Variants in USP6NL observed in about 807,000 individuals in gnomAD.
USP6NL encodes the protein USP6 N-terminal-like protein.
A neutral mutation model predicts 61.9 loss-of-function variants in USP6NL; 26 were observed. That is an observed-to-expected ratio of 0.42 (90% CI 0.31 to 0.58). USP6NL has a LOEUF of 0.58. Ranked by LOEUF, USP6NL falls within the 20% of genes least tolerant of loss-of-function variation. The pLI is 0.16. For missense variants in USP6NL, 1,114 were observed against 1,034.3 expected, an observed-to-expected ratio of 1.08 and a Z score of -1.06; for synonymous variants, 432 against 390.1, an observed-to-expected ratio of 1.11 and a Z score of -1.27.
chr10:11,510,035 T>G lies in USP6NL; in HGVS notation c.196-360A>C, dbSNP rs2133344777. On this transcript the variant is annotated intron_variant, in intron 5 of 14. Coordinates refer to ENST00000609104, the MANE Select transcript of USP6NL (RefSeq NM_014688.5). This position sits in a 1 kb window ranked among gnomAD's most constrained non-coding sequence, Gnocchi z 4.8. ...CTTTGAAATTTAATTCTCTTCTTTCTTATTTTACTGAATTCTAGTATATTG... is the reference window on the plus strand; with the variant it reads ...CTTTGAAATTTAATTCTCTTCTTTCGTATTTTACTGAATTCTAGTATATTG... Among the ~76,000 whole-genome samples the G allele has an allele frequency of 6.6e-6, 1 of 152,232 alleles. No homozygotes were observed. Among genetic ancestry groups the G allele is most frequent in the Admixed American group, 6.5e-5 (1 of 15,294 alleles).
chr10:11,566,638 C>T (rs554795444), intron 2 of USP6NL, among the ~76,000 whole-genome samples: 3 of 152,336 alleles, frequency 2.0e-5, no homozygotes, highest in Admixed American at 6.5e-5. Flanking sequence ...TCCAACAGAG[C>T]TTGCTGCAAT....
intron 5 of USP6NL, among the ~76,000 whole-genome samples, chr10:11,515,400 G>T (rs11257144): frequency 0.11 from 17,228 of 152,184 alleles, 1,286 homozygotes; most frequent in East Asian, 0.16. Context: ...ACATTACTGC[G>T]TATTGTGATA....
At chr10:11,502,718 T>A (rs1208202019) in intron 6 of USP6NL, among the ~76,000 whole-genome samples, 1 of 152,344 alleles carries the variant, frequency 6.6e-6, no homozygotes, top group Admixed American at 6.5e-5. Flanking sequence ...ATCATGTGGT[T>A]GAAGGTGAGT....
intron 1 of USP6NL, among the ~76,000 whole-genome samples, chr10:11,609,167 G>C (rs1278574701): frequency 6.6e-6 from 1 of 152,056 alleles, no homozygotes; most frequent in Non-Finnish European, 1.5e-5. Flanking sequence ...CAGACTCAAA[G>C]GATTCTCCTG....
At chr10:11,580,439 T>C (rs1837715379) in intron 2 of USP6NL, among the ~76,000 whole-genome samples, 1 of 152,240 alleles carries the variant, frequency 6.6e-6, no homozygotes, top group South Asian at 2.1e-4. Flanking sequence ...GTTTGCAATG[T>C]GTATTATTTA....
At chr10:11,522,063 C>T (rs1025539646) in intron 4 of USP6NL, among the ~76,000 whole-genome samples, 1 of 152,210 alleles carries the variant, frequency 6.6e-6, no homozygotes, top group Non-Finnish European at 1.5e-5. Flanking sequence ...CTGCTGAGTA[C>T]TAAACAAAGA....
rs923113249 is a variant in USP6NL at position 11,476,001 on chromosome 10, G to A, written c.1078+5769C>T. On this transcript the variant is annotated intron_variant, in intron 14 of 14. Transcript: ENST00000609104. The surrounding 1 kb of genome is among the most constrained non-coding windows in gnomAD (Gnocchi z 4.3). ...AAAACCAGACAACTCCTGAGTGTGC[G>A]ACATTCCACAGAATAGTGGGACTGT... Among the ~76,000 whole-genome samples the A allele has an allele frequency of 2.0e-5, 3 of 152,076 alleles. No homozygotes were observed. Among genetic ancestry groups the A allele is most frequent in the Admixed American group, 6.6e-5 (1 of 15,264 alleles).
intron 1 of USP6NL, among the ~76,000 whole-genome samples, chr10:11,607,744 C>A (rs187044651): frequency 6.6e-6 from 1 of 152,258 alleles, no homozygotes; most frequent in Non-Finnish European, 1.5e-5. Flanking sequence ...CATAACATTA[C>A]TAACAGCAAA....
chr10:11,564,778 G>A (rs1200156935), intron 2 of USP6NL: 1 of 152,208 alleles, frequency 6.6e-6, no homozygotes, highest in Non-Finnish European at 1.5e-5. Context: ...TTGCATGAGT[G>A]TCTGAGAACA....
At chr10:11,498,300 G>A (rs1188706241) in intron 7 of USP6NL, among the ~76,000 whole-genome samples, 1 of 143,830 alleles carries the variant, frequency 7.0e-6, no homozygotes, top group Admixed American at 7.1e-5. Context: ...CGAGATTACT[G>A]AGCCACACTA....
chr10:11,590,780 CAGG>C (rs1357596048), intron 2 of USP6NL, among the ~76,000 whole-genome samples: 1 of 151,792 alleles, frequency 6.6e-6, no homozygotes, highest in African/African-American at 2.4e-5. Flanking sequence ...CTCTGGCTGC[CAGG>C]AGAACAAGCA....
intron 2 of USP6NL, among the ~76,000 whole-genome samples, chr10:11,541,466 A>T (rs1466792846): frequency 6.6e-6 from 1 of 151,884 alleles, no homozygotes; most frequent in Non-Finnish European, 1.5e-5. Context: ...TGGTAGGTTA[A>T]CTGCAAAGAT....
intron 6 of USP6NL, among the ~76,000 whole-genome samples, chr10:11,504,785 G>C (rs1443769251): frequency 6.6e-6 from 1 of 152,210 alleles, no homozygotes; most frequent in Admixed American, 6.5e-5. Context: ...CTTAAACAGA[G>C]AATCCTTTAT....
intron 2 of USP6NL, among the ~76,000 whole-genome samples, chr10:11,555,660 G>A (rs946170955): frequency 6.6e-6 from 1 of 151,460 alleles, no homozygotes; most frequent in Non-Finnish European, 1.5e-5. Context: ...ACCAGTTCAA[G>A]AGGCACAACA....
rs1472919874 is a variant in USP6NL at position 11,595,681 on chromosome 10, A to C, written c.4+1950T>G. Among the ~76,000 whole-genome samples the C allele has an allele frequency of 1.3e-5, 2 of 152,220 alleles. No homozygotes were observed. The highest frequency in any genetic ancestry group is 4.8e-5 in the African/African-American group (2 of 41,460). On this transcript the variant is annotated intron_variant, in intron 2 of 14. Coordinates refer to ENST00000609104, the MANE Select transcript of USP6NL (RefSeq NM_014688.5). The surrounding 1 kb of genome is among the most constrained non-coding windows in gnomAD (Gnocchi z 5.3). ...AGAAAGAGAGAGACATAAGAGCAAA[A>C]AAACTTCCATCAGAATGTGCCTGCA...
rs935392490 is a variant in USP6NL, at chr10:11,511,206, T to C, written c.196-1531A>G. ...AAAATTTTTGATGGGTTTCTCACAA[T>C]AAAAGATGAGCACTCATGAGAAAAA... is the stretch of plus-strand genomic sequence containing the variant. On this transcript the variant is annotated intron_variant, in intron 5 of 14. Coordinates refer to ENST00000609104, the MANE Select transcript of USP6NL (RefSeq NM_014688.5). The surrounding 1 kb of genome is among the most constrained non-coding windows in gnomAD (Gnocchi z 4.9). 1.3e-5 allele frequency among the ~76,000 whole-genome samples: 2 copies of C among 152,196 alleles called. No homozygotes were observed. The highest frequency in any genetic ancestry group is 2.9e-5 in the Non-Finnish European group (2 of 68,026).
chr10:11,594,670 C>T (rs181929470), intron 2 of USP6NL, among the ~76,000 whole-genome samples: 1 of 152,218 alleles, frequency 6.6e-6, no homozygotes, highest in African/African-American at 2.4e-5. Flanking sequence ...TGCTTTGTCT[C>T]GGGCCACACT....
intron 2 of USP6NL, among the ~76,000 whole-genome samples, chr10:11,530,537 A>T (rs1835617187): frequency 6.6e-6 from 1 of 152,226 alleles, no homozygotes; most frequent in Admixed American, 6.5e-5. Context: ...AAGTGATCAG[A>T]ACAGTTAACT....
chr10:11,514,730 A>C (rs985265236), intron 5 of USP6NL, among the ~76,000 whole-genome samples: 3 of 152,232 alleles, frequency 2.0e-5, no homozygotes, highest in Non-Finnish European at 4.4e-5. Context: ...AAGATGTTCA[A>C]AACTAAATTT....
Sources: allele counts gnomAD v4.1 joint callset (sites outside exome capture counted in the v4.1 genomes callset), GRCh38; gene constraint gnomAD v4.1.1; non-coding constraint Gnocchi (gnomAD v3.1); transcripts MANE v1.5; gene names NCBI Gene and HGNC (gene_info 2026-07-23, HGNC 2026-07-21).